Variants in DPP10 observed in about 807,000 individuals in gnomAD.
DPP10 encodes the protein inactive dipeptidyl peptidase 10.
A neutral mutation model predicts 120.9 loss-of-function variants in DPP10; 33 were observed. That is an observed-to-expected ratio of 0.27 (90% CI 0.21 to 0.37). DPP10 has a LOEUF of 0.37. Ranked by LOEUF, DPP10 falls within the 10% of genes least tolerant of loss-of-function variation. The pLI is 1.00. For synonymous variants in DPP10, 337 were observed against 326.1 expected (o/e 1.03, Z -0.36); for missense variants, 816 against 942.8 (o/e 0.87, Z 1.76).
chr2:115,331,515 A>T (rs1005107121), intron 2 of DPP10, among the ~76,000 whole-genome samples: 2 of 152,116 alleles, frequency 1.3e-5, no homozygotes, highest in Admixed American at 6.6e-5. Context: ...TTCAAAGGGA[A>T]TGCTCCCAGT....
chr2:115,737,504 C>T (rs1292182254), intron 8 of DPP10, among the ~76,000 whole-genome samples: 1 of 152,098 alleles, frequency 6.6e-6, no homozygotes, highest in Non-Finnish European at 1.5e-5. Context: ...TAATGCCTGT[C>T]CTATGATTGT....
intron 8 of DPP10, among the ~76,000 whole-genome samples, chr2:115,736,290 T>A (rs1002145583): frequency 6.6e-6 from 1 of 152,156 alleles, no homozygotes; most frequent in African/African-American, 2.4e-5. Context: ...TGGGGCACAC[T>A]GCATGTTAAA....
At chr2:114,504,849 C>T (rs549692964) in intron 1 of DPP10, among the ~76,000 whole-genome samples, 68 of 151,872 alleles carry the variant, frequency 4.5e-4, no homozygotes, top group African/African-American at 1.5e-3. Context: ...GTCAGAAGTT[C>T]GAGACCAGAC....
rs564721479 is a variant in DPP10, at chr2:114,950,459, T to C, written c.61-358780T>C. 2.4e-4 allele frequency among the ~76,000 whole-genome samples: 34 copies of C among 139,646 alleles called. 1 individual carries two copies. The South Asian group carries it at 8.2e-3, about 34-fold the overall frequency. The allele number at this position is 139,646 out of a possible 152,430, so 91.6% of individuals were successfully genotyped here. A position where few individuals can be genotyped will look rare whatever the true frequency, so the allele number is the denominator to read the frequency against. On this transcript the variant is annotated intron_variant, in intron 1 of 25. Transcript: ENST00000410059. ...ACAGGTTCCCGCCACCACGCCCCGGTAATTTTTTTATTTTTTTTTTGTATT... is the reference window on the plus strand; with the variant it reads ...ACAGGTTCCCGCCACCACGCCCCGGCAATTTTTTTATTTTTTTTTTGTATT...
At chr2:115,518,168 A>C (rs951235212) in intron 4 of DPP10, among the ~76,000 whole-genome samples, 2 of 152,186 alleles carry the variant, frequency 1.3e-5, no homozygotes, top group African/African-American at 4.8e-5. Context: ...TGACCTAAAC[A>C]CCTATCATTA....
intron 2 of DPP10, among the ~76,000 whole-genome samples, chr2:115,320,480 C>T (rs193090856): frequency 2.1e-4 from 32 of 151,450 alleles, no homozygotes; most frequent in African/African-American, 5.3e-4. Flanking sequence ...TTGATCTCTT[C>T]TCATTTCCTC....
intron 1 of DPP10, among the ~76,000 whole-genome samples, chr2:114,897,983 C>T (rs567497443): frequency 3.9e-4 from 60 of 152,282 alleles, no homozygotes; most frequent in African/African-American, 1.3e-3. Flanking sequence ...TTTGACCCAG[C>T]CATTCCGTTA....
intron 1 of DPP10, among the ~76,000 whole-genome samples, chr2:115,283,569 T>C (rs1407927233): frequency 6.6e-6 from 1 of 152,100 alleles, no homozygotes; most frequent in Non-Finnish European, 1.5e-5. Context: ...GTTTTGGTTA[T>C]TGGAGTTTAT....
rs1364693354 is a variant in DPP10 at position 115,844,480 on chromosome 2, A to C, written c.*2135A>C. 6.6e-6 allele frequency: 1 copy of C among 152,466 alleles called. No individual in the cohort carries two copies. Among genetic ancestry groups the C allele is most frequent in the Non-Finnish European group, 1.5e-5 (1 of 68,010 alleles). 9.4% of individuals were successfully genotyped at this position (152,466 alleles called of 1,614,324 possible). On this transcript the variant is annotated 3_prime_UTR_variant, in exon 26 of 26. Transcript: ENST00000410059. ...CGTTTTCCCCTTAAACACTAAAGAG[A>C]CCTCAAGTGAAAGCATATTGCTTAG...
intron 5 of DPP10, among the ~76,000 whole-genome samples, chr2:115,687,185 C>G (rs2091039097): frequency 6.6e-6 from 1 of 151,838 alleles, no homozygotes; most frequent in South Asian, 2.1e-4. Context: ...GAAAATCCCC[C>G]CTCCCTTTAA....
At chr2:115,384,755 AAAG>A (rs1175207745) in intron 3 of DPP10, among the ~76,000 whole-genome samples, 1 of 151,710 alleles carries the variant, frequency 6.6e-6, no homozygotes, top group Non-Finnish European at 1.5e-5. Flanking sequence ...AGAAAGAAGA[AAAG>A]AAGAACCTGC....
At chr2:115,804,162 A>T (rs979884447) in intron 19 of DPP10, among the ~76,000 whole-genome samples, 1 of 151,854 alleles carries the variant, frequency 6.6e-6, no homozygotes, top group Non-Finnish European at 1.5e-5. Context: ...ACTTCTCTTC[A>T]TGCTTCATTT....
intron 1 of DPP10, among the ~76,000 whole-genome samples, chr2:115,068,682 C>T (rs1400173929): frequency 9.9e-5 from 15 of 152,068 alleles, no homozygotes; most frequent in Non-Finnish European, 2.2e-4. Context: ...TGTTGTCTTT[C>T]AATAATTTTA....
intron 3 of DPP10, among the ~76,000 whole-genome samples, chr2:115,462,588 G>C (rs2074057114): frequency 6.6e-6 from 1 of 152,022 alleles, no homozygotes; most frequent in South Asian, 2.1e-4. Context: ...TATTTAATAA[G>C]TTTATTTAAT....
At chr2:114,584,129 A>G (rs1330444639) in intron 1 of DPP10, among the ~76,000 whole-genome samples, 1 of 152,202 alleles carries the variant, frequency 6.6e-6, no homozygotes, top group African/African-American at 2.4e-5. Flanking sequence ...TAGCATTCAT[A>G]GATAGTATTC....
intron 19 of DPP10, among the ~76,000 whole-genome samples, chr2:115,795,003 C>T (rs1684389339): frequency 1.3e-5 from 2 of 152,084 alleles, no homozygotes. Flanking sequence ...TTCAGTCTAT[C>T]TCCGCAATGC....
At chr2:114,507,212 G>C (rs1683749837) in intron 1 of DPP10, among the ~76,000 whole-genome samples, 1 of 151,610 alleles carries the variant, frequency 6.6e-6, no homozygotes, top group African/African-American at 2.4e-5. Flanking sequence ...AACACCCCAG[G>C]TAATTTTTGT....
chr2:114,747,002 G>C (rs1317029706), intron 1 of DPP10, among the ~76,000 whole-genome samples: 1 of 152,126 alleles, frequency 6.6e-6, no homozygotes, highest in African/African-American at 2.4e-5. Context: ...ACATATATGT[G>C]TATACATTCT....
chr2:115,603,500 G>T (rs1900751), intron 5 of DPP10, among the ~76,000 whole-genome samples: 148,486 of 150,248 alleles, frequency 0.99, 73,399 homozygotes, highest in East Asian at 1. Context: ...GTAACGTTTG[G>T]GCATAACAGA....
Sources: gnomAD v4.1 joint callset for allele counts (sites outside exome capture counted in the v4.1 genomes callset) on GRCh38, gnomAD v4.1.1 for gene constraint, MANE v1.5 for transcripts, NCBI Gene and HGNC (gene_info 2026-07-23, HGNC 2026-07-21) for gene names.